The following DRC11 variants were observed in gnomAD, a reference collection of about 807,000 sequenced individuals.
DRC11 encodes the protein dynein regulatory complex subunit 11.
At chr2:236,450,598 G>A in the DRC11 span, among the ~76,000 whole-genome samples, 84 of 152,070 alleles carry the variant, frequency 5.5e-4, 1 homozygote, top group Admixed American at 1.4e-3. Context: ...GATTATAGGC[G>A]TGAGCCACAA....
the DRC11 span, among the ~76,000 whole-genome samples, chr2:236,435,871 C>T: frequency 6.6e-6 from 1 of 152,166 alleles, no homozygotes; most frequent in Non-Finnish European, 1.5e-5. Context: ...AGGATGTTGA[C>T]CTCTGGCCTA....
chr2:236,314,102 T>C, the DRC11 span, among the ~76,000 whole-genome samples: 2 of 152,224 alleles, frequency 1.3e-5, no homozygotes, highest in Non-Finnish European at 1.5e-5. This position sits in a 1 kb window ranked among gnomAD's most constrained non-coding sequence, Gnocchi z 4.5. Context: ...AAAATTGGTA[T>C]GTTGTATCAG....
the DRC11 span, among the ~76,000 whole-genome samples, chr2:236,358,119 T>C: frequency 8.5e-6 from 1 of 117,280 alleles, no homozygotes; most frequent in South Asian, 2.5e-4. Flanking sequence ...TTATACACTA[T>C]ATGAATATAT....
At chr2:236,456,728 T>A in the DRC11 span, among the ~76,000 whole-genome samples, 1 of 151,994 alleles carries the variant, frequency 6.6e-6, no homozygotes, top group African/African-American at 2.4e-5. This position sits in a 1 kb window ranked among gnomAD's most constrained non-coding sequence, Gnocchi z 5.4. Flanking sequence ...GGGTAGAGGG[T>A]GGGTGTTTAC....
At chr2:236,458,984 G>A in the DRC11 span, among the ~76,000 whole-genome samples, 3 of 152,280 alleles carry the variant, frequency 2.0e-5, no homozygotes, top group South Asian at 6.2e-4. Flanking sequence ...GTTGGAGGTT[G>A]TAGTCAGCCG....
the DRC11 span, among the ~76,000 whole-genome samples, chr2:236,470,960 T>G: frequency 6.6e-6 from 1 of 152,238 alleles, no homozygotes; most frequent in South Asian, 2.1e-4. This position sits in a 1 kb window ranked among gnomAD's most constrained non-coding sequence, Gnocchi z 5.1. Flanking sequence ...TAAATAGTGG[T>G]GGGCTTTTCA....
At chr2:236,374,944 G>A in the DRC11 span, among the ~76,000 whole-genome samples, 4 of 147,680 alleles carry the variant, frequency 2.7e-5, no homozygotes, top group South Asian at 2.1e-4. Flanking sequence ...CAGGTGATCC[G>A]TCCACCTTGG....
At chr2:236,311,244 C>T in the DRC11 span, among the ~76,000 whole-genome samples, 1 of 152,202 alleles carries the variant, frequency 6.6e-6, no homozygotes, top group Non-Finnish European at 1.5e-5. This position sits in a 1 kb window ranked among gnomAD's most constrained non-coding sequence, Gnocchi z 6.9. Flanking sequence ...CGAGCCTGGC[C>T]AGCAGGGCAA....
At chr2:236,410,345 T>C in the DRC11 span, among the ~76,000 whole-genome samples, 2 of 152,098 alleles carry the variant, frequency 1.3e-5, no homozygotes, top group South Asian at 2.1e-4. Context: ...TGGGAGAGTG[T>C]ATGTGTCGAG....
the DRC11 span, among the ~76,000 whole-genome samples, chr2:236,405,804 T>G: frequency 6.6e-6 from 1 of 152,184 alleles, no homozygotes; most frequent in Non-Finnish European, 1.5e-5. The surrounding 1 kb of genome is among the most constrained non-coding windows in gnomAD (Gnocchi z 4.6). Context: ...AGGCAGGTAG[T>G]GTATACAGCA....
the DRC11 span, chr2:236,487,894 G>A: frequency 1.6e-6 from 1 of 644,470 alleles, no homozygotes; most frequent in Non-Finnish European, 2.5e-6. Context: ...GTTCTATTAA[G>A]GGTAGGATTT....
chr2:236,464,389 A>G, the DRC11 span, among the ~76,000 whole-genome samples: 67 of 152,310 alleles, frequency 4.4e-4, no homozygotes, highest in Non-Finnish European at 3.2e-4. Flanking sequence ...CTTGCCTTCT[A>G]TGGCTCCTGG....
the DRC11 span, chr2:236,507,140 A>G: frequency 1.0e-5 from 10 of 962,658 alleles, no homozygotes; most frequent in Admixed American, 2.3e-5. Flanking sequence ...GAGAGGAGGG[A>G]AGTTGAGAGG....
chr2:236,446,537 C>T, the DRC11 span, among the ~76,000 whole-genome samples: 1 of 152,180 alleles, frequency 6.6e-6, no homozygotes, highest in African/African-American at 2.4e-5. The surrounding 1 kb of genome is among the most constrained non-coding windows in gnomAD (Gnocchi z 6.2). Context: ...GCCCTCTTGC[C>T]CTAATGGGCA....
chr2:236,308,039 G>A, the DRC11 span, among the ~76,000 whole-genome samples: 58 of 152,032 alleles, frequency 3.8e-4, no homozygotes, highest in South Asian at 1.9e-3. This position sits in a 1 kb window ranked among gnomAD's most constrained non-coding sequence, Gnocchi z 6.0. Context: ...TGACGCAGGC[G>A]TCCTCGTGTG....
At chr2:236,475,592 AT>A in the DRC11 span, among the ~76,000 whole-genome samples, 2 of 152,104 alleles carry the variant, frequency 1.3e-5, no homozygotes, top group Non-Finnish European at 2.9e-5. This position sits in a 1 kb window ranked among gnomAD's most constrained non-coding sequence, Gnocchi z 4.8. Context: ...TAATAGTTCT[AT>A]TTTTAGTCTT....
At chr2:236,452,347 G>C in the DRC11 span, among the ~76,000 whole-genome samples, 1 of 152,160 alleles carries the variant, frequency 6.6e-6, no homozygotes, top group East Asian at 1.9e-4. The surrounding 1 kb of genome is among the most constrained non-coding windows in gnomAD (Gnocchi z 4.7). Flanking sequence ...TCACATTTCA[G>C]ACTCACAGGA....
At chr2:236,338,402 A>T in the DRC11 span, 3 of 1,587,534 alleles carry the variant, frequency 1.9e-6, no homozygotes, top group Non-Finnish European at 8.6e-7. Context: ...AGAAAAAAAA[A>T]TTGGTCCACA....
chr2:236,383,500 C>G, the DRC11 span, among the ~76,000 whole-genome samples: 1 of 151,862 alleles, frequency 6.6e-6, no homozygotes, highest in Admixed American at 6.6e-5. Context: ...TAATATTCTC[C>G]TCTTGATCTA....
Sources: gnomAD v4.1 joint callset for allele counts (sites outside exome capture counted in the v4.1 genomes callset) on GRCh38, gnomAD v4.1.1 for gene constraint, Gnocchi (gnomAD v3.1) non-coding constraint, MANE v1.5 for transcripts, NCBI Gene and HGNC (gene_info 2026-07-23, HGNC 2026-07-21) for gene names.